LPO: variants seen among roughly 807,000 people sequenced by gnomAD.
The protein encoded by LPO is lactoperoxidase, also known as salivary peroxidase.
In LPO, 70 loss-of-function variants were observed where a neutral mutation model predicts 68.4. The observed-to-expected ratio is 1.02, with a 90% confidence interval of 0.84 to 1.25. LPO has a LOEUF of 1.25. LPO is among the 50% of genes most tolerant of loss of function. LPO has a pLI of 0.00. For missense variants in LPO, 873 were observed against 908.4 expected, an observed-to-expected ratio of 0.96 and a Z score of 0.50; for synonymous variants, 360 against 357.6, an observed-to-expected ratio of 1.01 and a Z score of -0.08.
intron 9 of LPO, among the ~76,000 whole-genome samples, chr17:58,264,425 G>A (rs1402285963): frequency 6.6e-6 from 1 of 152,106 alleles, no homozygotes; most frequent in Admixed American, 6.5e-5. Flanking sequence ...TAGCATCAAG[G>A]TCATAAACTT....
chr17:58,267,021 A>G (rs1333016824), intron 11 of LPO, among the ~76,000 whole-genome samples: 2 of 152,264 alleles, frequency 1.3e-5, no homozygotes, highest in African/African-American at 2.4e-5. Flanking sequence ...AATCCCGCCT[A>G]TGCCATTTAC....
intron 8 of LPO, among the ~76,000 whole-genome samples, chr17:58,254,150 TATATA>T (rs1567819862): frequency 1.1e-5 from 1 of 93,744 alleles, no homozygotes; most frequent in African/African-American, 4.4e-5. Flanking sequence ...GATATATAGA[TATATA>T]GATAGATAGA....
intron 7 of LPO, 47 bp from the exon 8 acceptor site, chr17:58,252,135 C>G: frequency 6.3e-7 from 1 of 1,575,702 alleles, no homozygotes. Flanking sequence ...TGCCAGGACC[C>G]AGCTGTTCCA....
At chr17:58,243,960 C>T (rs1567816170) in intron 2 of LPO, 34 bp from the exon 3 acceptor site, 4 of 1,425,396 alleles carry the variant, frequency 2.8e-6, no homozygotes, top group Non-Finnish European at 3.0e-6. Context: ...TGGTGTCTGA[C>T]ACCCTACTTC....
intron 6 of LPO, 130 bp downstream of exon 6, chr17:58,249,825 A>G (rs1178085689): frequency 7.8e-7 from 1 of 1,287,618 alleles, no homozygotes; most frequent in African/African-American, 1.5e-5. Context: ...ATCTGCACAG[A>G]CCCCCACCTT....
At chr17:58,250,840 G>A (rs1969947136) in intron 7 of LPO, 1 of 573,842 alleles carries the variant, frequency 1.7e-6, no homozygotes, top group Non-Finnish European at 3.1e-6. Flanking sequence ...GGATTCCAAA[G>A]TGAACAGGAC....
At chr17:58,252,146 C>A in intron 7 of LPO, 36 bp from the exon 8 acceptor site, 2 of 1,597,444 alleles carry the variant, frequency 1.3e-6, no homozygotes, top group Non-Finnish European at 1.7e-6. Flanking sequence ...AGCTGTTCCA[C>A]CCCTGCCCAG....
At chr17:58,263,475 A>ACGCCTGTAATT (rs1379554853) in intron 9 of LPO, among the ~76,000 whole-genome samples, 2 of 152,224 alleles carry the variant, frequency 1.3e-5, no homozygotes, top group Admixed American at 6.5e-5. Flanking sequence ...ACAGTGGCTC[A>ACGCCTGTAATT]CGCCTGTAAT....
rs763363576 is a variant in LPO at position 58,266,254 on chromosome 17, C to A, written c.1621C>A (p.Pro541Thr). The A allele has an allele frequency of 6.2e-7, 1 of 1,614,168 alleles. No homozygotes were observed. Among genetic ancestry groups the A allele is most frequent in the African/African-American group, 1.3e-5 (1 of 75,058 alleles). ...AGAGCTGCGCAACAAGCTTTTCCAG[C>A]CAACTCACAGGATCCATGGCTTTGA... ...TGELRNKLFQPTHRIHGFDLA... is the reference protein window; with the variant it reads ...TGELRNKLFQTTHRIHGFDLA... Residue 541 changes from proline to threonine, a missense_variant, in exon 11 of 13, where the codon CCA becomes ACA. By Grantham distance (38) the Pro-to-Thr change is conservative (BLOSUM62 -1). Transcript: ENST00000262290.
intron 9 of LPO, 82 bp downstream of exon 9, chr17:58,255,053 A>G: frequency 1.4e-6 from 2 of 1,469,518 alleles, no homozygotes; most frequent in Non-Finnish European, 1.9e-6. Flanking sequence ...GCTGTGCCTC[A>G]GGCTCTCTCC....
chr17:58,245,449 G>T (rs1438580106), intron 3 of LPO, among the ~76,000 whole-genome samples: 1 of 151,958 alleles, frequency 6.6e-6, no homozygotes. Context: ...AAATTCTCTG[G>T]CCAGTGGCTC....
rs117927879 is a variant in LPO at position 58,262,039 on chromosome 17, T to C, written c.1267-2683T>C. Among the ~76,000 whole-genome samples the C allele has an allele frequency of 4.0e-3, 612 of 152,366 alleles. 2 individuals are homozygous for C. Among genetic ancestry groups the C allele is most frequent in the Non-Finnish European group, 6.9e-3 (467 of 68,032 alleles). On this transcript the variant is annotated intron_variant, in intron 9 of 12. Transcript: ENST00000262290. ...CAGATGGTGCTTCAACCATAAAATA[T>C]AATGAAAAAATTCATGAGGTGGAAA...
chr17:58,264,722 A>G lies in LPO; in HGVS notation c.1267A>G (p.Ile423Val), dbSNP rs1341969182. The change falls in exon 10 of 13, where the codon ATT becomes GTT. Residue 423 changes from isoleucine (I) to valine (V), a missense_variant and splice_region_variant. Physicochemically the swap from Ile to Val is conservative, Grantham distance 29. Coordinates refer to ENST00000262290, the MANE Select transcript of LPO (RefSeq NM_006151.3). ...CCTCTTGATTTTATTCTCCCTCCAG[A>G]TTATCACCTTTAGGGACTACCTACC... is the stretch of plus-strand genomic sequence containing the variant. ...ARKILGAFVQ[I>V]ITFRDYLPIL... is the part of the protein sequence containing the mutation. 1 of 1,613,782 alleles carries G rather than the reference A, an allele frequency of 6.2e-7. No homozygotes were observed. Among genetic ancestry groups the G allele is most frequent in the Non-Finnish European group, 8.5e-7 (1 of 1,179,954 alleles).
intron 3 of LPO, 48 bp downstream of exon 3, chr17:58,244,129 A>ACT: frequency 8.2e-7 from 1 of 1,214,544 alleles, no homozygotes; most frequent in Non-Finnish European, 1.2e-6. Context: ...ACACACACAC[A>ACT]CACTTCCCTT....
Position 58,241,692 on chromosome 17 carries a change from A to G in LPO, c.-2-1286A>G, listed in dbSNP as rs533041373. Among the ~76,000 whole-genome samples, 15 of 152,276 alleles carry G rather than the reference A, an allele frequency of 9.9e-5. No individual in the cohort carries two copies. In the South Asian group the frequency reaches 1.7e-3, roughly 17 times the overall value. On this transcript the variant is annotated intron_variant, in intron 1 of 12. Coordinates refer to ENST00000262290, the MANE Select transcript of LPO (RefSeq NM_006151.3). ...CAGAGAGAATCTTGGCCAGAGAGGTATTTATTCATGCCTTGCCCCTTCTCT... is the reference window on the plus strand; with the variant it reads ...CAGAGAGAATCTTGGCCAGAGAGGTGTTTATTCATGCCTTGCCCCTTCTCT...
intron 7 of LPO, 40 bp downstream of exon 7, chr17:58,250,661 C>T (rs1199491713): frequency 1.9e-6 from 3 of 1,588,778 alleles, no homozygotes; most frequent in Non-Finnish European, 2.6e-6. Context: ...TAGCCCCTTG[C>T]CCACCCTGAT....
intron 1 of LPO, among the ~76,000 whole-genome samples, chr17:58,242,159 A>G (rs1296491899): frequency 6.6e-6 from 1 of 152,202 alleles, no homozygotes; most frequent in Admixed American, 6.5e-5. Context: ...TCTCCTCAGA[A>G]GATGTATGGG....
chr17:58,243,093 T>G (rs1383808030), intron 2 of LPO, 38 bp downstream of exon 2: 2 of 1,590,118 alleles, frequency 1.3e-6, no homozygotes, highest in Non-Finnish European at 1.7e-6. Context: ...GGGGCTGCTG[T>G]CACAAAGCAC....
In LPO at chr17:58,251,827, T is replaced by G. The variant is rs1358452620; in HGVS notation, c.781-355T>G. On this transcript the variant is annotated intron_variant, in intron 7 of 12. Transcript: ENST00000262290. ...TTCCTGGCACATGGTAAGTCCAAAA[T>G]AAATACATGGCAGCTGTTGTTAGTA... 3 of 554,452 alleles carry G rather than the reference T, an allele frequency of 5.4e-6. No homozygotes were observed. In the Admixed American group the frequency reaches 5.7e-5, roughly 11 times the overall value. 34.3% of individuals were successfully genotyped at this position (554,452 alleles called of 1,614,324 possible).
Sources: gnomAD v4.1 joint callset for allele counts (sites outside exome capture counted in the v4.1 genomes callset) on GRCh38, gnomAD v4.1.1 for gene constraint, MANE v1.5 for transcripts, NCBI Gene and HGNC (gene_info 2026-07-23, HGNC 2026-07-21) for gene names.